The following MCM4 variants were observed in gnomAD, a reference collection of about 807,000 sequenced individuals.
The protein encoded by MCM4 is minichromosome maintenance complex component 4, also known as DNA replication licensing factor MCM4.
Under a neutral mutation model 88.7 loss-of-function variants are expected in MCM4, and 60 were observed. The ratio of observed to expected loss-of-function variants is 0.68; its 90% CI spans 0.55 to 0.84. MCM4 has a LOEUF of 0.84. Among genes scored for constraint, MCM4 ranks in the 40% least tolerant of loss-of-function variants. MCM4 has a pLI of 0.00. For missense variants in MCM4, 1,149 were observed against 1,105.5 expected (o/e 1.04, Z -0.56); for synonymous variants, 465 against 410.5 (o/e 1.13, Z -1.61).
intron 7 of MCM4, among the ~76,000 whole-genome samples, chr8:47,964,317 A>C (rs1451426627): frequency 6.6e-6 from 1 of 152,242 alleles, no homozygotes. Context: ...TTTCCCTTCT[A>C]ATAGAAAGCA....
At chr8:47,961,974 G>A (rs778006055) in intron 3 of MCM4, 79 bp from the exon 4 acceptor site, 5 of 1,323,754 alleles carry the variant, frequency 3.8e-6, no homozygotes, top group Non-Finnish European at 4.3e-6. Flanking sequence ...GTTGCGATTA[G>A]ATGGTATAGA....
intron 15 of MCM4, 90 bp downstream of exon 15, chr8:47,975,052 C>A: frequency 9.5e-7 from 1 of 1,047,854 alleles, no homozygotes; most frequent in Non-Finnish European, 1.4e-6. Flanking sequence ...ACAGTTAAAT[C>A]ATTTGAAACA....
Position 47,969,780 on chromosome 8 carries a change from TC to T in MCM4, c.1175-16del, listed in dbSNP as rs777203076. On this transcript the variant is annotated splice_polypyrimidine_tract_variant and intron_variant, in intron 10 of 16. Coordinates refer to ENST00000649973, the MANE Select transcript of MCM4 (RefSeq NM_182746.3). ...AGATATGGGAAGGTAAAAGTGCATC[TC>T]CTGGTTGTGCCCTCAGGCATCTATC... The T allele has an allele frequency of 4.3e-6, 7 of 1,612,794 alleles. No homozygotes were observed. The highest frequency in any genetic ancestry group is 5.9e-6 in the Non-Finnish European group (7 of 1,178,784).
In MCM4 at chr8:47,961,127, G is replaced by T. The variant is rs775827983; in HGVS notation, c.-14-4G>T. On this transcript the variant is annotated splice_polypyrimidine_tract_variant and splice_region_variant and intron_variant, in intron 1 of 16. Coordinates refer to ENST00000649973, the MANE Select transcript of MCM4 (RefSeq NM_182746.3). ...CCCGGCCCGAGCTTGTCCTTGTCGCGCAGGTACTCCGAGCACTATGTCGTC... is the reference window on the plus strand; with the variant it reads ...CCCGGCCCGAGCTTGTCCTTGTCGCTCAGGTACTCCGAGCACTATGTCGTC... 2 of 1,549,482 alleles carry T rather than the reference G, an allele frequency of 1.3e-6. No homozygotes were observed. The highest frequency in any genetic ancestry group is 8.6e-7 in the Non-Finnish European group (1 of 1,157,688).
At position 47,962,770 on chromosome 8, in the gene MCM4, C is replaced by T. The variant is rs1169985594; in HGVS notation, c.508C>T (p.Leu170Phe). 3 of 1,599,406 alleles carry T rather than the reference C, an allele frequency of 1.9e-6. No homozygotes were observed. Among genetic ancestry groups the T allele is most frequent in the Non-Finnish European group, 1.7e-6 (2 of 1,174,184 alleles). Reference sequence around the variant, plus strand: ...GTTTTCTCTCCACTTAAAGAGATTTCTTCAGCGTTTTATTGACCCTCTGGC... The same window carrying T: ...GTTTTCTCTCCACTTAAAGAGATTTTTTCAGCGTTTTATTGACCCTCTGGC... The part of the protein sequence containing the change: ...AACKENFQRF[L>F]QRFIDPLAKE... Residue 170 changes from leucine (L) to phenylalanine (F), a missense_variant, in exon 6 of 17, where the codon CTT becomes TTT. Physicochemically the swap from Leu to Phe is conservative, Grantham distance 22. This residue lies in a region of MCM4 where 906 missense variants were observed against 843.0 expected (regional missense o/e 1.07). Transcript: ENST00000649973.
intron 10 of MCM4, 69 bp from the exon 11 acceptor site, chr8:47,969,729 C>T (rs906768202): frequency 2.2e-5 from 34 of 1,547,840 alleles, no homozygotes; most frequent in Admixed American, 1.5e-4. Flanking sequence ...CTGTTGCCTA[C>T]GCTGGTTGCT....
intron 2 of MCM4, 141 bp downstream of exon 2, chr8:47,961,355 A>G (rs2090829108): frequency 6.7e-7 from 1 of 1,485,106 alleles, no homozygotes; most frequent in Admixed American, 2.2e-5. Context: ...GCGCACAGAC[A>G]CCCACAGCAG....
At chr8:47,971,142 C>G (rs919996223) in intron 12 of MCM4, among the ~76,000 whole-genome samples, 199 bp from the exon 13 acceptor site, 1 of 152,212 alleles carries the variant, frequency 6.6e-6, no homozygotes, top group East Asian at 1.9e-4. Flanking sequence ...AGCACACATT[C>G]ATCTAAACTC....
At position 47,961,633 on chromosome 8, in the gene MCM4, C is replaced by A; in HGVS notation, c.188C>A (p.Ala63Asp). 1 of 1,613,692 alleles carries A rather than the reference C, an allele frequency of 6.2e-7. No individual in the cohort carries two copies. Among genetic ancestry groups the A allele is most frequent in the Admixed American group, 1.7e-5 (1 of 59,962 alleles). Residue 63 changes from alanine to aspartate, a missense_variant, in exon 3 of 17, where the codon GCT becomes GAT. Physicochemically the swap from Ala to Asp is moderately radical, Grantham distance 126. This residue lies in a region of MCM4 where 906 missense variants were observed against 843.0 expected (regional missense o/e 1.07). Coordinates refer to ENST00000649973, the MANE Select transcript of MCM4 (RefSeq NM_182746.3). ...TSPGVDLQSP[A>D]AQDVLFSSPP... Reference sequence around the variant, plus strand: ...CCTGGAGTGGACCTGCAGAGCCCTGCTGCGCAGGACGTGCTGTTTTCCAGC... The same window carrying A: ...CCTGGAGTGGACCTGCAGAGCCCTGATGCGCAGGACGTGCTGTTTTCCAGC...
chr8:47,963,676 C>A (rs938565378), intron 7 of MCM4, among the ~76,000 whole-genome samples: 2 of 152,112 alleles, frequency 1.3e-5, no homozygotes, highest in Admixed American at 6.5e-5. Flanking sequence ...TTACATACTT[C>A]CTGCTGCTTT....
chr8:47,960,985 G>T lies in MCM4; in HGVS notation c.-44G>T. The T allele has an allele frequency of 1.5e-6, 1 of 683,974 alleles. No homozygotes were observed. The allele number at this position is 683,974 out of a possible 1,614,324, so 42.4% of individuals were successfully genotyped here. ...CGCCAGGTGGACTCGGAGTCCGCGAGCGTCGTCGGCAAGCGGCCGCCTTTC... is the reference window on the plus strand; with the variant it reads ...CGCCAGGTGGACTCGGAGTCCGCGATCGTCGTCGGCAAGCGGCCGCCTTTC... On this transcript the variant is annotated 5_prime_UTR_variant, in exon 1 of 17. Coordinates refer to ENST00000649973, the MANE Select transcript of MCM4 (RefSeq NM_182746.3).
chr8:47,967,556 A>G, intron 10 of MCM4, 71 bp downstream of exon 10: 7 of 1,594,870 alleles, frequency 4.4e-6, no homozygotes, highest in African/African-American at 1.3e-5. Flanking sequence ...TTAGTGAGTC[A>G]TTGGACTTGG....
intron 11 of MCM4, among the ~76,000 whole-genome samples, 174 bp downstream of exon 11, chr8:47,970,231 A>G (rs1391688102): frequency 6.6e-6 from 1 of 152,348 alleles, no homozygotes; most frequent in Middle Eastern, 3.4e-3. Context: ...AGCATTGTCT[A>G]TCCTCATCTC....
intron 2 of MCM4, 87 bp from the exon 3 acceptor site, chr8:47,961,429 G>T: frequency 1.2e-6 from 2 of 1,607,130 alleles, no homozygotes; most frequent in African/African-American, 1.3e-5. Context: ...GTTCAGTGGT[G>T]AGTCATAATG....
chr8:47,966,840 G>A (rs2090902872), intron 9 of MCM4, among the ~76,000 whole-genome samples: 1 of 152,228 alleles, frequency 6.6e-6, no homozygotes, highest in South Asian at 2.1e-4. Flanking sequence ...ACAGAAAAAA[G>A]TGAGGGGAAG....
chr8:47,977,155 A>C lies in MCM4; in HGVS notation c.*377A>C, dbSNP rs1273519958. ...ATGGCATGCGCCTGTAATCCCAGCT[A>C]CTCGGGAGGTTGAGGCAGGAGAATC... is the stretch of plus-strand genomic sequence containing the variant. On this transcript the variant is annotated 3_prime_UTR_variant, in exon 17 of 17. Transcript: ENST00000649973. 1 of 156,932 alleles carries C rather than the reference A, an allele frequency of 6.4e-6. No individual in the cohort carries two copies. The highest frequency in any genetic ancestry group is 1.4e-5 in the Non-Finnish European group (1 of 71,732). 9.7% of individuals were successfully genotyped at this position (156,932 alleles called of 1,614,324 possible).
intron 14 of MCM4, 68 bp from the exon 15 acceptor site, chr8:47,974,665 AT>A: frequency 7.9e-7 from 1 of 1,269,852 alleles, no homozygotes; most frequent in Non-Finnish European, 1.1e-6. Flanking sequence ...AGTGTTCAAA[AT>A]TCACCCACAA....
Position 47,976,764 on chromosome 8 carries a change from G to A in MCM4, c.2578G>A (p.Val860Met), listed in dbSNP as rs142208176. The A allele has an allele frequency of 8.7e-6, 14 of 1,611,390 alleles. No individual in the cohort carries two copies. Among genetic ancestry groups the A allele is most frequent in the Middle Eastern group, 1.7e-4 (1 of 6,056 alleles). The change falls in exon 17 of 17, where the codon GTG (valine) becomes ATG (methionine). Residue 860 changes from valine to methionine, a missense_variant. By Grantham distance (21) the Val-to-Met change is conservative. Coordinates refer to ENST00000649973, the MANE Select transcript of MCM4 (RefSeq NM_182746.3). ...TTTCCTGACAGTGACTGGGAAGACCGTGCGCTTGCTCTGAAGCCTTGTGAG... is the reference window on the plus strand; with the variant it reads ...TTTCCTGACAGTGACTGGGAAGACCATGCGCTTGCTCTGAAGCCTTGTGAG... ...DDFLTVTGKT[V>M]RLL
rs146498462 is a variant in MCM4, at chr8:47,969,944, T to A, written c.1321T>A (p.Phe441Ile). Residue 441 changes from phenylalanine (F) to isoleucine (I), a missense_variant, in exon 11 of 17, where the codon TTT (phenylalanine) becomes ATT (isoleucine). Around this residue, in one of 3 missense-constraint regions of MCM4, gnomAD observed 906 missense variants for 843.0 expected, o/e 1.07. Coordinates refer to ENST00000649973, the MANE Select transcript of MCM4 (RefSeq NM_182746.3). ...GLDEEAEQKLFSEKRVELLKE... is the reference protein window; with the variant it reads ...GLDEEAEQKLISEKRVELLKE... ...TGATGAAGAAGCAGAACAGAAACTTTTTTCAGAGAAACGTGTGGAATTGCT... is the reference window on the plus strand; with the variant it reads ...TGATGAAGAAGCAGAACAGAAACTTATTTCAGAGAAACGTGTGGAATTGCT... 1.9e-6 allele frequency: 3 copies of A among 1,614,092 alleles called. No homozygotes were observed. In the African/African-American group the frequency reaches 4.0e-5, roughly 22 times the overall value.
Sources: gnomAD v4.1 joint callset for allele counts (sites outside exome capture counted in the v4.1 genomes callset) on GRCh38, gnomAD v4.1.1 for gene constraint, gnomAD v4.1.1 regional missense constraint, MANE v1.5 for transcripts, NCBI Gene and HGNC (gene_info 2026-07-23, HGNC 2026-07-21) for gene names.